Variants in TRPM3 observed in about 807,000 individuals in gnomAD.
TRPM3 encodes the protein transient receptor potential cation channel subfamily M member 3, also known as long transient receptor potential channel 3.
In TRPM3, 77 loss-of-function variants were observed where a neutral mutation model predicts 181.2. The ratio of observed to expected loss-of-function variants is 0.42; its 90% CI spans 0.35 to 0.51. The LOEUF is 0.51. Ranked by LOEUF, TRPM3 falls within the 20% of genes least tolerant of loss-of-function variation. TRPM3 has a pLI of 0.01. For missense variants in TRPM3, 1,759 were observed against 2,196.7 expected (o/e 0.80, Z 3.98); for synonymous variants, 745 against 796.4 (o/e 0.94, Z 1.09).
chr9:71,232,235 T>C (rs1042905164), intron 1 of TRPM3, among the ~76,000 whole-genome samples: 5 of 152,148 alleles, frequency 3.3e-5, no homozygotes, highest in Non-Finnish European at 5.9e-5. Flanking sequence ...GCATTGTTTG[T>C]AACTACCTCA....
chr9:71,242,332 GA>G (rs1262362492), intron 1 of TRPM3, among the ~76,000 whole-genome samples: 1 of 152,162 alleles, frequency 6.6e-6, no homozygotes, highest in Non-Finnish European at 1.5e-5. Context: ...GTTAACTGAG[GA>G]AATGTCTAAT....
intron 8 of TRPM3, among the ~76,000 whole-genome samples, chr9:70,686,686 TTTCCTTCCTTCC>T (rs778689995): frequency 0.056 from 3,288 of 58,540 alleles, 157 homozygotes; most frequent in Non-Finnish European, 0.068. Flanking sequence ...TCCTTCCTTC[TTTCCTTCCTTCC>T]TTCCTTCCTT....
chr9:70,571,578 C>T (rs2052392100), intron 22 of TRPM3, among the ~76,000 whole-genome samples: 1 of 151,862 alleles, frequency 6.6e-6, no homozygotes, highest in Admixed American at 6.6e-5. Flanking sequence ...CCATTTTTGA[C>T]TTACAAAAAA....
intron 1 of TRPM3, among the ~76,000 whole-genome samples, chr9:71,314,600 T>G (rs1295413852): frequency 6.6e-5 from 10 of 152,152 alleles, no homozygotes; most frequent in Admixed American, 4.6e-4. Flanking sequence ...AGTATAACTA[T>G]GGCCCCCACC....
At position 70,529,147 on chromosome 9, in the gene TRPM3, C is replaced by T. The variant is rs1489372698; in HGVS notation, c.*6806G>A. ...AAGTTTTTCCCGTGGTATCTGCCAA[C>T]TTCTGCTCTGAATTGTATATCTAAA... On this transcript the variant is annotated 3_prime_UTR_variant, in exon 26 of 26. Transcript: ENST00000677713. 1 of 152,092 alleles carries T rather than the reference C, an allele frequency of 6.6e-6. No homozygotes were observed. Among genetic ancestry groups the T allele is most frequent in the African/African-American group, 2.4e-5 (1 of 41,408 alleles). 9.4% of individuals were successfully genotyped at this position (152,092 alleles called of 1,614,324 possible). A position where few individuals can be genotyped will look rare whatever the true frequency, so the allele number is the denominator to read the frequency against.
chr9:71,210,186 T>C (rs912696085), intron 1 of TRPM3, among the ~76,000 whole-genome samples: 1 of 152,134 alleles, frequency 6.6e-6, no homozygotes, highest in African/African-American at 2.4e-5. Flanking sequence ...GGAACCCTTT[T>C]GTGAACTATA....
intron 1 of TRPM3, among the ~76,000 whole-genome samples, chr9:70,870,109 G>A (rs1441133150): frequency 2.6e-5 from 4 of 151,988 alleles, no homozygotes; most frequent in Non-Finnish European, 5.9e-5. Flanking sequence ...TGAGGGCAAT[G>A]GGGCTTTGGT....
chr9:70,813,154 A>G (rs2092307838), intron 6 of TRPM3, among the ~76,000 whole-genome samples: 1 of 152,200 alleles, frequency 6.6e-6, no homozygotes, highest in Admixed American at 6.5e-5. Context: ...GCAATGCGCT[A>G]AGTGATGCTC....
intron 1 of TRPM3, among the ~76,000 whole-genome samples, chr9:71,150,965 G>A (rs762501167): frequency 1.3e-5 from 2 of 152,130 alleles, no homozygotes; most frequent in African/African-American, 4.8e-5. Context: ...TAAGTGGCAT[G>A]CTGAATCAGC....
chr9:70,997,345 G>A (rs2097549631), intron 1 of TRPM3, among the ~76,000 whole-genome samples: 1 of 152,156 alleles, frequency 6.6e-6, no homozygotes, highest in South Asian at 2.1e-4. Flanking sequence ...ACAGGCTCCC[G>A]CCACCACACT....
chr9:70,682,889 C>G (rs541170427), intron 8 of TRPM3, among the ~76,000 whole-genome samples: 1 of 152,262 alleles, frequency 6.6e-6, no homozygotes, highest in South Asian at 2.1e-4. Flanking sequence ...AGTAAACAAT[C>G]AGATTTGCTA....
At position 71,221,521 on chromosome 9, in the gene TRPM3, C is replaced by A. The variant is rs377516530; in HGVS notation, c.183+225132G>T. Among the ~76,000 whole-genome samples the A allele has an allele frequency of 1.3e-3, 191 of 152,038 alleles. 1 individual carries two copies. Among genetic ancestry groups the A allele is most frequent in the African/African-American group, 4.4e-3 (182 of 41,470 alleles). ...AAATAATTCTTTTTAATTTTACATT[C>A]CATTTTAAGTCATGAGAAATCTGGT... On this transcript the variant is annotated intron_variant, in intron 1 of 24. Coordinates refer to the TRPM3 transcript ENST00000357533.
intron 9 of TRPM3, among the ~76,000 whole-genome samples, chr9:70,653,263 G>A (rs2059823821): frequency 6.6e-6 from 1 of 152,108 alleles, no homozygotes; most frequent in African/African-American, 2.4e-5. Flanking sequence ...AATGTTATAA[G>A]TAGTAACAGG....
chr9:71,171,782 G>C (rs2076872026), intron 1 of TRPM3, among the ~76,000 whole-genome samples: 1 of 152,150 alleles, frequency 6.6e-6, no homozygotes, highest in African/African-American at 2.4e-5. Context: ...CATATGAGTT[G>C]GAAGTAAACG....
intron 1 of TRPM3, among the ~76,000 whole-genome samples, chr9:71,192,587 G>A (rs2078100306): frequency 6.6e-6 from 1 of 151,606 alleles, no homozygotes; most frequent in African/African-American, 2.4e-5. Flanking sequence ...CATGTTCTTT[G>A]CCCATTTTTT....
chr9:71,327,070 G>C (rs924888253), intron 1 of TRPM3, among the ~76,000 whole-genome samples: 2 of 152,202 alleles, frequency 1.3e-5, no homozygotes, highest in Non-Finnish European at 2.9e-5. Flanking sequence ...CTCAGTTTCC[G>C]TAACTGGACA....
chr9:71,424,906 C>A (rs1463194379), intron 1 of TRPM3, among the ~76,000 whole-genome samples: 4 of 152,156 alleles, frequency 2.6e-5, no homozygotes, highest in Admixed American at 1.3e-4. Flanking sequence ...CTACTCCAGT[C>A]TGGCTTCTTG....
At chr9:71,140,824 G>GA (rs2075057354) in intron 1 of TRPM3, among the ~76,000 whole-genome samples, 1 of 152,134 alleles carries the variant, frequency 6.6e-6, no homozygotes, top group Admixed American at 6.6e-5. Flanking sequence ...GCAGTATAGT[G>GA]AAAAGCACAA....
intron 1 of TRPM3, among the ~76,000 whole-genome samples, chr9:71,298,684 T>C (rs1687421871): frequency 6.6e-6 from 1 of 152,016 alleles, no homozygotes; most frequent in African/African-American, 2.4e-5. Context: ...AAACTGCAGG[T>C]AGCAACACAG....
Sources: allele counts gnomAD v4.1 joint callset (sites outside exome capture counted in the v4.1 genomes callset), GRCh38; gene constraint gnomAD v4.1.1; transcripts MANE v1.5; gene names NCBI Gene and HGNC (gene_info 2026-07-23, HGNC 2026-07-21).